VEZT: variants seen among roughly 807,000 people sequenced by gnomAD.
The protein encoded by VEZT is vezatin, adherens junctions transmembrane protein.
In VEZT, 39 loss-of-function variants were observed where a neutral mutation model predicts 79.9. That is an observed-to-expected ratio of 0.49 (90% CI 0.38 to 0.64). The LOEUF (loss-of-function observed/expected upper bound fraction) is 0.64. Ranked by LOEUF, VEZT falls within the 30% of genes least tolerant of loss-of-function variation. The pLI, the probability that VEZT is intolerant of heterozygous loss-of-function variation, is 0.00. For missense variants in VEZT, 837 were observed against 893.1 expected (o/e 0.94, Z 0.80); for synonymous variants, 325 against 327.6 (o/e 0.99, Z 0.09).
At chr12:95,280,436 G>A (rs954493794) in intron 7 of VEZT, among the ~76,000 whole-genome samples, 4 of 142,880 alleles carry the variant, frequency 2.8e-5, no homozygotes, top group Admixed American at 7.2e-5. Context: ...TCTCCTTCGC[G>A]CTTTCTGTCT....
intron 1 of VEZT, among the ~76,000 whole-genome samples, chr12:95,226,709 G>A (rs1006211828): frequency 1.2e-4 from 18 of 152,114 alleles, no homozygotes; most frequent in African/African-American, 4.3e-4. Flanking sequence ...AGGACTAGAT[G>A]TGCACTGAAA....
chr12:95,239,013 T>C (rs1416583409), intron 1 of VEZT, among the ~76,000 whole-genome samples: 1 of 152,186 alleles, frequency 6.6e-6, no homozygotes, highest in African/African-American at 2.4e-5. Context: ...GAAAAGTATA[T>C]AGTATATTTC....
In VEZT at chr12:95,300,152, T is replaced by C; in HGVS notation, c.1832-13T>C. ...AGTTATTTTTTTTCTTTTTTCTTTTTTTTTATTTGAAGCCGTGTTGAAATC... is the reference window on the plus strand; with the variant it reads ...AGTTATTTTTTTTCTTTTTTCTTTTCTTTTATTTGAAGCCGTGTTGAAATC... On this transcript the variant is annotated splice_polypyrimidine_tract_variant and intron_variant, in intron 11 of 11. Coordinates refer to ENST00000436874, the MANE Select transcript of VEZT (RefSeq NM_017599.4). 1.5e-6 allele frequency: 2 copies of C among 1,377,004 alleles called. No individual in the cohort carries two copies. The highest frequency in any genetic ancestry group is 1.9e-6 in the Non-Finnish European group (2 of 1,056,650). The allele number at this position is 1,377,004 out of a possible 1,614,324, so 85.3% of individuals were successfully genotyped here.
chr12:95,255,633 A>T (rs1479337892), intron 2 of VEZT, among the ~76,000 whole-genome samples: 2 of 151,844 alleles, frequency 1.3e-5, no homozygotes, highest in African/African-American at 4.8e-5. Flanking sequence ...GGGTTTCACT[A>T]TGTTGGCCAG....
At chr12:95,298,693 C>G (rs1183188257) in intron 11 of VEZT, among the ~76,000 whole-genome samples, 1 of 152,190 alleles carries the variant, frequency 6.6e-6, no homozygotes, top group Non-Finnish European at 1.5e-5. Flanking sequence ...AATTGATCCT[C>G]TCATTACTCA....
intron 8 of VEZT, among the ~76,000 whole-genome samples, chr12:95,287,271 A>G (rs998527981): frequency 2.0e-5 from 3 of 152,122 alleles, no homozygotes; most frequent in Non-Finnish European, 2.9e-5. Context: ...TTGTGTAGCC[A>G]TTACCACTGT....
intron 1 of VEZT, among the ~76,000 whole-genome samples, chr12:95,219,061 T>C (rs1381566762): frequency 6.6e-6 from 1 of 152,046 alleles, no homozygotes; most frequent in Non-Finnish European, 1.5e-5. Flanking sequence ...AGGCGTTCAT[T>C]AGGGAAGACA....
At position 95,302,454 on chromosome 12, in the gene VEZT, C is replaced by T. The variant is rs1378483550; in HGVS notation, c.*1781C>T. 2.0e-5 allele frequency: 3 copies of T among 152,146 alleles called. No homozygotes were observed. The allele number at this position is 152,146 out of a possible 1,614,324, so 9.4% of individuals were successfully genotyped here. A position where few individuals can be genotyped will look rare whatever the true frequency, so the allele number is the denominator to read the frequency against. Reference sequence around the variant, plus strand: ...GATCTATTTAATTCACTACTTGTTACATAATCCAGTGAAAACTCTACTTGT... The same window carrying T: ...GATCTATTTAATTCACTACTTGTTATATAATCCAGTGAAAACTCTACTTGT... On this transcript the variant is annotated 3_prime_UTR_variant, in exon 12 of 12. Transcript: ENST00000436874.
Position 95,301,427 on chromosome 12 carries a change from C to G in VEZT, c.*754C>G, listed in dbSNP as rs1222868456. 1 of 152,116 alleles carries G rather than the reference C, an allele frequency of 6.6e-6. No homozygotes were observed. The highest frequency in any genetic ancestry group is 2.4e-5 in the African/African-American group (1 of 41,408). The allele number at this position is 152,116 out of a possible 1,614,324, so 9.4% of individuals were successfully genotyped here. On this transcript the variant is annotated 3_prime_UTR_variant, in exon 12 of 12. Coordinates refer to ENST00000436874, the MANE Select transcript of VEZT (RefSeq NM_017599.4). ...CCAATTTAGCAAGCAGAAAAACGTT[C>G]CTTGTATCACTTTACCTTGGATAAT...
chr12:95,257,305 C>T, intron 3 of VEZT, 66 bp downstream of exon 3: 3 of 1,284,794 alleles, frequency 2.3e-6, no homozygotes, highest in Non-Finnish European at 3.2e-6. Context: ...ATTGGTGAAT[C>T]AGAATTTGTT....
intron 6 of VEZT, 64 bp downstream of exon 6, chr12:95,270,252 T>C (rs2066339855): frequency 4.7e-6 from 7 of 1,476,244 alleles, no homozygotes; most frequent in Non-Finnish European, 6.4e-6. Flanking sequence ...ATAGATATTA[T>C]AGTTGTATCC....
In VEZT at chr12:95,282,250, A is replaced by G. The variant is rs1409348202; in HGVS notation, c.997-63A>G. 5.8e-6 allele frequency: 8 copies of G among 1,391,240 alleles called. No homozygotes were observed. The East Asian group carries it at 1.5e-4, about 26-fold the overall frequency. 86.2% of individuals were successfully genotyped at this position (1,391,240 alleles called of 1,614,324 possible). ...CAGAAGTTAAGATAAACAAATTTAT[A>G]GTTTGTTTTGAACACTGACCAATAT... On this transcript the variant is annotated intron_variant, in intron 7 of 11. Transcript: ENST00000436874.
chr12:95,254,949 A>G (rs1325775834), intron 2 of VEZT, among the ~76,000 whole-genome samples: 1 of 151,710 alleles, frequency 6.6e-6, no homozygotes, highest in African/African-American at 2.4e-5. Context: ...TCCTGTGATT[A>G]TTCTTAAATT....
At chr12:95,260,790 A>G (rs917641716) in intron 3 of VEZT, among the ~76,000 whole-genome samples, 8 of 152,220 alleles carry the variant, frequency 5.3e-5, no homozygotes, top group African/African-American at 1.9e-4. Context: ...AGATTACTCA[A>G]AAAGCTACCA....
chr12:95,234,104 AAAGGTG>A (rs2059653314), intron 1 of VEZT, among the ~76,000 whole-genome samples: 2 of 152,148 alleles, frequency 1.3e-5, no homozygotes, highest in South Asian at 2.1e-4. Context: ...GCATTTCTTC[AAAGGTG>A]AAGTTTAACA....
At chr12:95,224,231 AGAGAGG>A (rs1205478896) in intron 1 of VEZT, 3 of 455,928 alleles carry the variant, frequency 6.6e-6, no homozygotes, top group Non-Finnish European at 1.3e-5. Context: ...AAAGAGCGCC[AGAGAGG>A]TTTGGGTGTT....
At chr12:95,235,908 G>A (rs9706175) in intron 1 of VEZT, among the ~76,000 whole-genome samples, 42,400 of 150,340 alleles carry the variant, frequency 0.28, 6,692 homozygotes, top group African/African-American at 0.44. Context: ...ATGGGCAGCC[G>A]GGCAGAGACG....
intron 8 of VEZT, 144 bp downstream of exon 8, chr12:95,282,788 T>C: frequency 2.0e-6 from 1 of 494,908 alleles, no homozygotes; most frequent in Non-Finnish European, 3.3e-6. Context: ...TAGCTATAAA[T>C]ATAGCAAAAA....
intron 5 of VEZT, among the ~76,000 whole-genome samples, chr12:95,268,148 T>G (rs1411804247): frequency 6.6e-6 from 1 of 152,182 alleles, no homozygotes; most frequent in Non-Finnish European, 1.5e-5. Context: ...TAGCACGTTT[T>G]TAAGTTGTTT....
Sources: gnomAD v4.1 joint callset for allele counts (sites outside exome capture counted in the v4.1 genomes callset) on GRCh38, gnomAD v4.1.1 for gene constraint, MANE v1.5 for transcripts, NCBI Gene and HGNC (gene_info 2026-07-23, HGNC 2026-07-21) for gene names.